Variants in CHRM3 observed in about 807,000 individuals in gnomAD.
CHRM3 encodes the protein cholinergic receptor muscarinic 3, also known as muscarinic acetylcholine receptor M3.
In CHRM3, 11 loss-of-function variants were observed where a neutral mutation model predicts 41.8. That is an observed-to-expected ratio of 0.26 (90% CI 0.17 to 0.44). CHRM3 has a LOEUF of 0.44. Among genes scored for constraint, CHRM3 ranks in the 20% least tolerant of loss-of-function variants. The pLI, the probability that CHRM3 is intolerant of heterozygous loss-of-function variation, is 1.00. For missense variants in CHRM3, 571 were observed against 745.4 expected, an observed-to-expected ratio of 0.77 and a Z score of 2.72; for synonymous variants, 297 against 301.4, an observed-to-expected ratio of 0.99 and a Z score of 0.15.
chr1:239,891,073 C>T (rs986023870), intron 6 of CHRM3, among the ~76,000 whole-genome samples: 1 of 152,128 alleles, frequency 6.6e-6, no homozygotes, highest in African/African-American at 2.4e-5. Context: ...GTACATGGTT[C>T]TAAATTGTCT....
At chr1:239,499,343 A>G (rs1397097567) in intron 2 of CHRM3, among the ~76,000 whole-genome samples, 2 of 152,168 alleles carry the variant, frequency 1.3e-5, no homozygotes, top group African/African-American at 2.4e-5. Flanking sequence ...AATAGGTGTA[A>G]AAAGATATTT....
chr1:239,593,065 T>C (rs1468419980), intron 3 of CHRM3, among the ~76,000 whole-genome samples: 2 of 152,142 alleles, frequency 1.3e-5, no homozygotes, highest in African/African-American at 4.8e-5. Flanking sequence ...TCTAGCCCAG[T>C]TGCAACTCAA....
At chr1:239,446,828 G>T (rs947913930) in intron 1 of CHRM3, among the ~76,000 whole-genome samples, 1 of 152,142 alleles carries the variant, frequency 6.6e-6, no homozygotes, top group African/African-American at 2.4e-5. Context: ...AGTGGGGAGT[G>T]GTTAGGTAAA....
At chr1:239,574,037 C>T (rs992602373) in intron 3 of CHRM3, among the ~76,000 whole-genome samples, 3 of 152,108 alleles carry the variant, frequency 2.0e-5, no homozygotes, top group African/African-American at 7.2e-5. Flanking sequence ...CTGAAATCAT[C>T]TCATCTAAAA....
intron 1 of CHRM3, among the ~76,000 whole-genome samples, chr1:239,478,915 G>T (rs1666635840): frequency 6.6e-6 from 1 of 152,100 alleles, no homozygotes; most frequent in Non-Finnish European, 1.5e-5. Flanking sequence ...AGGCATGCTG[G>T]CTCATGAATG....
At chr1:239,600,974 AC>A (rs1223690712) in intron 3 of CHRM3, among the ~76,000 whole-genome samples, 1 of 152,114 alleles carries the variant, frequency 6.6e-6, no homozygotes, top group Non-Finnish European at 1.5e-5. Context: ...AGATTTTTAA[AC>A]CCCTTGATTA....
chr1:239,898,773 A>G (rs1241259629), intron 6 of CHRM3, among the ~76,000 whole-genome samples: 1 of 152,186 alleles, frequency 6.6e-6, no homozygotes, highest in Admixed American at 6.5e-5. Context: ...GAAGCCTCAC[A>G]TGTATATTGG....
intron 5 of CHRM3, among the ~76,000 whole-genome samples, chr1:239,759,247 A>G (rs1201565982): frequency 7.0e-6 from 1 of 142,382 alleles, no homozygotes; most frequent in African/African-American, 2.7e-5. Flanking sequence ...GATGAAACTC[A>G]TATTTGAATA....
chr1:239,733,308 G>C (rs767559412), intron 5 of CHRM3, among the ~76,000 whole-genome samples: 1 of 151,964 alleles, frequency 6.6e-6, no homozygotes, highest in Non-Finnish European at 1.5e-5. Flanking sequence ...CCCAAAGTAC[G>C]CATAGTTGAA....
At chr1:239,538,348 C>T (rs563425996) in intron 2 of CHRM3, among the ~76,000 whole-genome samples, 4 of 152,170 alleles carry the variant, frequency 2.6e-5, no homozygotes, top group Non-Finnish European at 2.9e-5. Flanking sequence ...CTCTGTTGGC[C>T]GTTTGCCCTA....
intron 4 of CHRM3, among the ~76,000 whole-genome samples, chr1:239,660,385 C>T (rs963507810): frequency 6.6e-6 from 1 of 152,054 alleles, no homozygotes; most frequent in Non-Finnish European, 1.5e-5. Context: ...CTTCTTACAA[C>T]TTTCTTCTTC....
chr1:239,558,534 T>G (rs1660581250), intron 3 of CHRM3, among the ~76,000 whole-genome samples: 1 of 152,226 alleles, frequency 6.6e-6, no homozygotes, highest in Non-Finnish European at 1.5e-5. Flanking sequence ...GAATCTCGCA[T>G]TTCAGCTTAA....
At chr1:239,760,658 T>C (rs1666683461) in intron 5 of CHRM3, among the ~76,000 whole-genome samples, 1 of 152,212 alleles carries the variant, frequency 6.6e-6, no homozygotes, top group Non-Finnish European at 1.5e-5. Context: ...ATTCACTTTT[T>C]CTTTCCTTTG....
At chr1:239,456,439 G>A (rs1461132473) in intron 1 of CHRM3, among the ~76,000 whole-genome samples, 1 of 152,112 alleles carries the variant, frequency 6.6e-6, no homozygotes, top group African/African-American at 2.4e-5. Context: ...TGCTGTACAG[G>A]TTAATAGCCT....
At chr1:239,693,039 G>A (rs534301638) in intron 5 of CHRM3, among the ~76,000 whole-genome samples, 3 of 152,212 alleles carry the variant, frequency 2.0e-5, no homozygotes, top group South Asian at 2.1e-4. Context: ...ACCAGATCAC[G>A]TGCAGTGTTT....
intron 2 of CHRM3, among the ~76,000 whole-genome samples, chr1:239,528,786 G>A (rs901875204): frequency 3.0e-4 from 45 of 152,184 alleles, no homozygotes; most frequent in African/African-American, 1.1e-3. Context: ...CCAGCTACTC[G>A]GTAGGCTGAG....
chr1:239,640,949 G>C (rs1276647810), intron 4 of CHRM3, among the ~76,000 whole-genome samples: 1 of 150,884 alleles, frequency 6.6e-6, no homozygotes, highest in Non-Finnish European at 1.5e-5. Context: ...GTGTCCCAGA[G>C]ATTCTGGTAT....
At chr1:239,888,026 G>A (rs1678218228) in intron 6 of CHRM3, among the ~76,000 whole-genome samples, 3 of 152,078 alleles carry the variant, frequency 2.0e-5, no homozygotes, top group South Asian at 4.1e-4. Flanking sequence ...GCTTGTTTAA[G>A]TCGTGGTCTT....
intron 5 of CHRM3, among the ~76,000 whole-genome samples, chr1:239,744,484 G>A (rs1048610530): frequency 5.9e-5 from 9 of 152,048 alleles, no homozygotes; most frequent in Admixed American, 2.0e-4. Flanking sequence ...GGGAGCGGCC[G>A]GTGGCTATGG....
Sources: gnomAD v4.1 joint callset for allele counts (sites outside exome capture counted in the v4.1 genomes callset) on GRCh38, gnomAD v4.1.1 for gene constraint, MANE v1.5 for transcripts, NCBI Gene and HGNC (gene_info 2026-07-23, HGNC 2026-07-21) for gene names.